The following TNNI3K variants were observed in gnomAD, a reference collection of about 807,000 sequenced individuals.
TNNI3K encodes TNNI3 interacting kinase.
In TNNI3K, 140 loss-of-function variants were observed where a neutral mutation model predicts 114.5. The observed-to-expected ratio is 1.22, with a 90% CI of 1.07 to 1.41. The LOEUF (loss-of-function observed/expected upper bound fraction) is 1.41, where lower values mean the gene tolerates loss of function less well. TNNI3K is among the 40% of genes most tolerant of loss of function. The probability of loss-of-function intolerance (pLI) is 0.00; values close to 1 mark genes in which losing one functional copy is unlikely to be tolerated. For synonymous variants in TNNI3K, 347 were observed against 347.5 expected, an observed-to-expected ratio of 1.00 and a Z score of 0.02; for missense variants, 1,125 against 1,007.6, an observed-to-expected ratio of 1.12 and a Z score of -1.58.
chr1:74,249,930 A>G (rs112563353), intron 3 of TNNI3K, among the ~76,000 whole-genome samples: 7 of 152,330 alleles, frequency 4.6e-5, no homozygotes, highest in Admixed American at 3.3e-4. Context: ...GATAAATGCC[A>G]AAGATAAGAT....
chr1:74,259,307 C>CTA (rs1175234053), intron 4 of TNNI3K, among the ~76,000 whole-genome samples: 1 of 152,150 alleles, frequency 6.6e-6, no homozygotes, highest in Non-Finnish European at 1.5e-5. Flanking sequence ...GGTGTAAATC[C>CTA]TATTCTGAGT....
chr1:74,515,366 A>G (rs757555634), intron 23 of TNNI3K, among the ~76,000 whole-genome samples: 3 of 152,236 alleles, frequency 2.0e-5, no homozygotes, highest in Non-Finnish European at 4.4e-5. Context: ...CACCTAACCC[A>G]GTATGAGACT....
At chr1:74,472,542 A>G (rs1667986205) in intron 21 of TNNI3K, among the ~76,000 whole-genome samples, 1 of 152,122 alleles carries the variant, frequency 6.6e-6, no homozygotes, top group Non-Finnish European at 1.5e-5. Flanking sequence ...TGGCTATAGT[A>G]ATTTTTTCCT....
intron 4 of TNNI3K, among the ~76,000 whole-genome samples, chr1:74,261,548 G>A (rs1053510516): frequency 8.6e-5 from 13 of 151,824 alleles, no homozygotes; most frequent in African/African-American, 1.9e-4. Flanking sequence ...ACTTCTTTAG[G>A]TGGTATCTAA....
intron 21 of TNNI3K, among the ~76,000 whole-genome samples, chr1:74,475,064 G>A (rs1333268715): frequency 6.7e-6 from 1 of 148,946 alleles, no homozygotes; most frequent in African/African-American, 2.5e-5. Flanking sequence ...TTAGCAGTCA[G>A]GAGATGCACT....
chr1:74,310,940 A>G (rs946989109), intron 5 of TNNI3K, among the ~76,000 whole-genome samples: 2 of 152,182 alleles, frequency 1.3e-5, no homozygotes, highest in Non-Finnish European at 2.9e-5. Context: ...TATAACCTCT[A>G]CTACCTCACT....
At chr1:74,247,452 A>G (rs1189046357) in intron 2 of TNNI3K, among the ~76,000 whole-genome samples, 1 of 152,170 alleles carries the variant, frequency 6.6e-6, no homozygotes, top group Non-Finnish European at 1.5e-5. Flanking sequence ...CGAAAGAACA[A>G]AGCTCCCACG....
intron 5 of TNNI3K, among the ~76,000 whole-genome samples, chr1:74,292,446 A>G (rs1041130328): frequency 3.3e-5 from 5 of 151,556 alleles, no homozygotes; most frequent in African/African-American, 1.2e-4. Context: ...TCCTTCTACT[A>G]GAAATTCTTT....
intron 10 of TNNI3K, 77 bp downstream of exon 10, chr1:74,353,437 G>T: frequency 6.5e-7 from 1 of 1,529,898 alleles, no homozygotes; most frequent in Non-Finnish European, 8.9e-7. Flanking sequence ...AAGGGATGTG[G>T]GGGCATTGGG....
chr1:74,537,887 G>T (rs1046482733), intron 23 of TNNI3K, among the ~76,000 whole-genome samples: 1 of 152,166 alleles, frequency 6.6e-6, no homozygotes, highest in African/African-American at 2.4e-5. Flanking sequence ...AATGTTCAAA[G>T]TGCTTTAAAT....
At chr1:74,532,884 C>T (rs183214976) in intron 23 of TNNI3K, among the ~76,000 whole-genome samples, 2 of 152,120 alleles carry the variant, frequency 1.3e-5, no homozygotes, top group Non-Finnish European at 2.9e-5. Flanking sequence ...GAAACTGGAT[C>T]CCTTCCTCAC....
chr1:74,313,920 G>C (rs1659139108), intron 5 of TNNI3K, among the ~76,000 whole-genome samples: 1 of 151,702 alleles, frequency 6.6e-6, no homozygotes, highest in African/African-American at 2.4e-5. Context: ...AAATCATACA[G>C]CTGTTGTTTC....
intron 5 of TNNI3K, 72 bp from the exon 6 acceptor site, chr1:74,331,378 T>A: frequency 6.8e-7 from 1 of 1,476,276 alleles, no homozygotes. Flanking sequence ...TTGTGCATGG[T>A]GGTTGTAAAC....
intron 17 of TNNI3K, among the ~76,000 whole-genome samples, chr1:74,433,302 T>A (rs1665977386): frequency 6.6e-6 from 1 of 152,100 alleles, no homozygotes; most frequent in South Asian, 2.1e-4. Context: ...GCTTTGACTC[T>A]GGGTGTGATG....
At chr1:74,421,997 T>C (rs1274734346) in intron 17 of TNNI3K, among the ~76,000 whole-genome samples, 1 of 149,654 alleles carries the variant, frequency 6.7e-6, no homozygotes, top group African/African-American at 2.4e-5. Context: ...TTATTATTTA[T>C]TTTAGATTTT....
At chr1:74,328,716 G>C (rs1378850033) in intron 5 of TNNI3K, among the ~76,000 whole-genome samples, 5 of 151,964 alleles carry the variant, frequency 3.3e-5, no homozygotes, top group African/African-American at 7.3e-5. Flanking sequence ...AACTGGAGAA[G>C]TGCAAACTTA....
intron 5 of TNNI3K, among the ~76,000 whole-genome samples, chr1:74,319,579 G>T (rs1425442985): frequency 6.6e-6 from 1 of 152,154 alleles, no homozygotes; most frequent in Non-Finnish European, 1.5e-5. Flanking sequence ...AACTTAGCAT[G>T]ATGCTATACT....
At chr1:74,454,762 G>A (rs57563367) in intron 20 of TNNI3K, among the ~76,000 whole-genome samples, 4,260 of 152,154 alleles carry the variant, frequency 0.028, 184 homozygotes, top group African/African-American at 0.098. Flanking sequence ...TAATATGGTA[G>A]TACAATTGTT....
intron 23 of TNNI3K, among the ~76,000 whole-genome samples, chr1:74,513,507 G>A (rs1254845848): frequency 6.6e-6 from 1 of 152,188 alleles, no homozygotes; most frequent in African/African-American, 2.4e-5. Flanking sequence ...ACTGCAAGAG[G>A]AGTTCCTCTT....
Sources: gnomAD v4.1 joint callset for allele counts (sites outside exome capture counted in the v4.1 genomes callset) on GRCh38, gnomAD v4.1.1 for gene constraint, MANE v1.5 for transcripts, NCBI Gene and HGNC (gene_info 2026-07-23, HGNC 2026-07-21) for gene names.